The following FAF1 variants were observed in gnomAD, a reference collection of about 807,000 sequenced individuals.
FAF1 encodes the protein Fas associated factor 1, also known as FAS-associated factor 1.
A neutral mutation model predicts 92.5 loss-of-function variants in FAF1; 25 were observed. The observed-to-expected ratio is 0.27, with a 90% CI of 0.20 to 0.38. FAF1 has a LOEUF of 0.38. Among genes scored for constraint, FAF1 ranks in the 10% least tolerant of loss-of-function variants. The pLI is 1.00. For missense variants in FAF1, 636 were observed against 793.3 expected, an observed-to-expected ratio of 0.80 and a Z score of 2.38; for synonymous variants, 234 against 273.2, an observed-to-expected ratio of 0.86 and a Z score of 1.42.
intron 4 of FAF1, among the ~76,000 whole-genome samples, chr1:50,746,406 C>A (rs541461062): frequency 1.0e-3 from 145 of 144,188 alleles, no homozygotes; most frequent in Non-Finnish European, 1.8e-3. Flanking sequence ...TGGGGTCAAG[C>A]AATTCTCCTG....
chr1:50,475,426 A>G (rs770041535), intron 18 of FAF1, 38 bp downstream of exon 18: 1 of 1,507,932 alleles, frequency 6.6e-7, no homozygotes, highest in African/African-American at 1.4e-5. Flanking sequence ...CACATCTCCC[A>G]CCTGGATATA....
intron 3 of FAF1, among the ~76,000 whole-genome samples, chr1:50,796,867 C>T (rs1661770383): frequency 6.6e-6 from 1 of 152,180 alleles, no homozygotes; most frequent in African/African-American, 2.4e-5. Context: ...AGGTGGCTCA[C>T]ACCTGTAATC....
At chr1:50,495,935 A>G (rs191151973) in intron 15 of FAF1, among the ~76,000 whole-genome samples, 3 of 152,304 alleles carry the variant, frequency 2.0e-5, no homozygotes, top group East Asian at 1.9e-4. Flanking sequence ...ATAGTCCTCT[A>G]TCTCCGAGAC....
intron 1 of FAF1, among the ~76,000 whole-genome samples, chr1:50,871,927 T>C (rs1644530874): frequency 6.6e-6 from 1 of 151,540 alleles, no homozygotes; most frequent in Non-Finnish European, 1.5e-5. Context: ...TAGCCGGGCA[T>C]AGTGGCGGGC....
At chr1:50,752,055 C>T (rs534821681) in intron 4 of FAF1, among the ~76,000 whole-genome samples, 4 of 152,158 alleles carry the variant, frequency 2.6e-5, no homozygotes, top group East Asian at 1.9e-4. Context: ...CTGCAACCTC[C>T]GCCTCCCAGG....
At chr1:50,518,364 G>C (rs1010989303) in intron 15 of FAF1, among the ~76,000 whole-genome samples, 1 of 152,076 alleles carries the variant, frequency 6.6e-6, no homozygotes, top group Non-Finnish European at 1.5e-5. Flanking sequence ...GGATACTAAA[G>C]GACATTTGGG....
At chr1:50,753,989 C>T (rs1659976635) in intron 4 of FAF1, among the ~76,000 whole-genome samples, 1 of 152,056 alleles carries the variant, frequency 6.6e-6, no homozygotes, top group Admixed American at 6.6e-5. Flanking sequence ...ATCTCCTGAT[C>T]TCGTGATACG....
chr1:50,895,010 G>A (rs1570111682), intron 1 of FAF1, among the ~76,000 whole-genome samples: 1 of 151,706 alleles, frequency 6.6e-6, no homozygotes, highest in South Asian at 2.1e-4. Context: ...AAAATTAGTA[G>A]AAGAAGAGAA....
chr1:50,685,150 C>T (rs145929466), intron 7 of FAF1, among the ~76,000 whole-genome samples: 4 of 152,236 alleles, frequency 2.6e-5, no homozygotes, highest in African/African-American at 9.6e-5. Flanking sequence ...GCTGAGGGAA[C>T]TACATGAGCA....
chr1:50,779,991 GACACACACACACAC>G (rs57528056), intron 4 of FAF1, among the ~76,000 whole-genome samples: 4 of 145,438 alleles, frequency 2.8e-5, no homozygotes, highest in East Asian at 2.0e-4. Flanking sequence ...CAGACAGACA[GACACACACACACAC>G]ACACACACAC....
At chr1:50,789,685 C>G (rs1019666503) in intron 3 of FAF1, among the ~76,000 whole-genome samples, 1 of 152,110 alleles carries the variant, frequency 6.6e-6, no homozygotes, top group Admixed American at 6.5e-5. Flanking sequence ...TTCCATCATG[C>G]CCCTAGAGTG....
intron 7 of FAF1, among the ~76,000 whole-genome samples, chr1:50,693,409 T>TG (rs1657026373): frequency 6.6e-6 from 1 of 152,176 alleles, no homozygotes; most frequent in Non-Finnish European, 1.5e-5. Context: ...TCTGTCCTTA[T>TG]GCTGGTTCCA....
intron 8 of FAF1, among the ~76,000 whole-genome samples, chr1:50,638,416 G>A (rs1259323710): frequency 6.6e-6 from 1 of 151,454 alleles, no homozygotes; most frequent in Non-Finnish European, 1.5e-5. Flanking sequence ...CATTAAATAC[G>A]GTAGGTATTG....
At chr1:50,523,161 T>C (rs564552642) in intron 15 of FAF1, among the ~76,000 whole-genome samples, 44 of 152,364 alleles carry the variant, frequency 2.9e-4, no homozygotes, top group African/African-American at 9.6e-4. Context: ...TATCCATTAA[T>C]CTGTTGATAG....
chr1:50,642,145 G>A (rs1039579298), intron 8 of FAF1, among the ~76,000 whole-genome samples: 1 of 150,760 alleles, frequency 6.6e-6, no homozygotes, highest in African/African-American at 2.4e-5. Flanking sequence ...GGAGGTTGCA[G>A]TGAGCCAAGA....
chr1:50,490,781 G>T (rs971561771), intron 16 of FAF1, 116 bp from the exon 17 acceptor site: 22 of 730,830 alleles, frequency 3.0e-5, no homozygotes, highest in African/African-American at 5.3e-5. Context: ...GACATTCAAA[G>T]GCTCATTGTC....
intron 2 of FAF1, among the ~76,000 whole-genome samples, chr1:50,809,716 A>G (rs937577220): frequency 6.6e-6 from 1 of 152,234 alleles, no homozygotes; most frequent in African/African-American, 2.4e-5. Flanking sequence ...TACCATTCTT[A>G]GTGAAACTAT....
intron 9 of FAF1, among the ~76,000 whole-genome samples, chr1:50,593,145 A>T (rs1289038049): frequency 6.6e-6 from 1 of 152,158 alleles, no homozygotes; most frequent in East Asian, 1.9e-4. Flanking sequence ...AGATATTATT[A>T]TTCAGTAATA....
chr1:50,728,897 G>A (rs1658778518), intron 6 of FAF1, among the ~76,000 whole-genome samples: 1 of 150,622 alleles, frequency 6.6e-6, no homozygotes, highest in African/African-American at 2.4e-5. Flanking sequence ...TTACATCTTA[G>A]TGAGACAATC....
Sources: allele counts gnomAD v4.1 joint callset (sites outside exome capture counted in the v4.1 genomes callset), GRCh38; gene constraint gnomAD v4.1.1; transcripts MANE v1.5; gene names NCBI Gene and HGNC (gene_info 2026-07-23, HGNC 2026-07-21).